Variants in ZCCHC24 observed in about 807,000 individuals in gnomAD.
ZCCHC24 encodes the protein zinc finger CCHC-type containing 24.
In ZCCHC24, 10 loss-of-function variants were observed where a neutral mutation model predicts 26.2. That is an observed-to-expected ratio of 0.38 (90% confidence interval 0.24 to 0.65). The LOEUF is 0.65. ZCCHC24 is among the 30% of genes least tolerant of loss of function. The pLI, the probability that ZCCHC24 is intolerant of heterozygous loss-of-function variation, is 0.54. For missense variants in ZCCHC24, 243 were observed against 329.1 expected, an observed-to-expected ratio of 0.74 and a Z score of 2.03; for synonymous variants, 144 against 147.1, an observed-to-expected ratio of 0.98 and a Z score of 0.15.
intron 2 of ZCCHC24, among the ~76,000 whole-genome samples, chr10:79,404,311 A>G (rs1290942078): frequency 6.6e-6 from 1 of 152,224 alleles, no homozygotes; most frequent in Non-Finnish European, 1.5e-5. Flanking sequence ...ACTTTTTGGA[A>G]AGCAAAGACA....
chr10:79,419,962 T>C (rs1856915370), intron 2 of ZCCHC24, among the ~76,000 whole-genome samples: 1 of 151,982 alleles, frequency 6.6e-6, no homozygotes, highest in African/African-American at 2.4e-5. Flanking sequence ...GCTGAGGATG[T>C]GAAACTGGCC....
intron 2 of ZCCHC24, among the ~76,000 whole-genome samples, chr10:79,410,481 T>G (rs1177193541): frequency 6.6e-6 from 1 of 152,110 alleles, no homozygotes; most frequent in Non-Finnish European, 1.5e-5. Context: ...TCTGGGAGCA[T>G]CTGGCCAGCA....
intron 1 of ZCCHC24, among the ~76,000 whole-genome samples, chr10:79,436,095 G>A (rs1354465926): frequency 2.6e-5 from 4 of 152,162 alleles, no homozygotes; most frequent in South Asian, 2.1e-4. Context: ...TGCAGAGGCC[G>A]ACACAGGCAC....
intron 2 of ZCCHC24, among the ~76,000 whole-genome samples, chr10:79,406,409 C>G (rs943116944): frequency 6.6e-6 from 1 of 152,040 alleles, no homozygotes; most frequent in Non-Finnish European, 1.5e-5. Context: ...ACAGGGGGGT[C>G]GCAGGGAGGA....
At chr10:79,392,041 C>T (rs1564631745) in intron 3 of ZCCHC24, among the ~76,000 whole-genome samples, 1 of 151,944 alleles carries the variant, frequency 6.6e-6, no homozygotes, top group African/African-American at 2.4e-5. Flanking sequence ...ACAGGCCCAC[C>T]CGGCCTCCCT....
intron 1 of ZCCHC24, among the ~76,000 whole-genome samples, chr10:79,442,502 G>A (rs947507482): frequency 1.3e-5 from 2 of 152,218 alleles, no homozygotes; most frequent in African/African-American, 4.8e-5. Context: ...TTTTGCTATT[G>A]TGGTGGGAGC....
chr10:79,415,783 T>C (rs1385493770), intron 2 of ZCCHC24, among the ~76,000 whole-genome samples: 1 of 152,116 alleles, frequency 6.6e-6, no homozygotes, highest in African/African-American at 2.4e-5. Context: ...TCATATCTCC[T>C]AGGCAGTTGA....
intron 1 of ZCCHC24, among the ~76,000 whole-genome samples, chr10:79,435,446 G>A (rs934863396): frequency 6.6e-6 from 1 of 152,106 alleles, no homozygotes; most frequent in Non-Finnish European, 1.5e-5. Context: ...CCTCTCCTTG[G>A]CAGCTCGACA....
rs1856643384 is a variant in ZCCHC24 at position 79,402,277 on chromosome 10, T to C, written c.448-7837A>G. 2.0e-5 allele frequency among the ~76,000 whole-genome samples: 3 copies of C among 152,290 alleles called. No individual in the cohort carries two copies. The South Asian group carries it at 6.2e-4, about 32-fold the overall frequency. ...TAGATACTTGGTTTTTCTTTTTTTTTCTTTTTTCTTTTTTTTGAGACGGAG... is the reference window on the plus strand; with the variant it reads ...TAGATACTTGGTTTTTCTTTTTTTTCCTTTTTTCTTTTTTTTGAGACGGAG... On this transcript the variant is annotated intron_variant, in intron 2 of 3. Transcript: ENST00000372336.
At chr10:79,425,812 G>A (rs1857019807) in intron 2 of ZCCHC24, among the ~76,000 whole-genome samples, 1 of 152,152 alleles carries the variant, frequency 6.6e-6, no homozygotes, top group Non-Finnish European at 1.5e-5. Context: ...TTATTACCTT[G>A]GGGCCGGATG....
intron 2 of ZCCHC24, among the ~76,000 whole-genome samples, chr10:79,412,509 G>A (rs1388199005): frequency 3.9e-5 from 6 of 152,254 alleles, no homozygotes; most frequent in Non-Finnish European, 7.3e-5. Context: ...GGCAGCTCCA[G>A]ATTTCTAAAA....
chr10:79,409,710 T>A (rs1043021760), intron 2 of ZCCHC24, among the ~76,000 whole-genome samples: 1 of 152,232 alleles, frequency 6.6e-6, no homozygotes, highest in African/African-American at 2.4e-5. Context: ...GTCCTCAGTG[T>A]GGCTATTGTC....
intron 2 of ZCCHC24, among the ~76,000 whole-genome samples, chr10:79,426,450 A>T (rs1361760825): frequency 6.6e-6 from 1 of 152,246 alleles, no homozygotes; most frequent in Non-Finnish European, 1.5e-5. Context: ...AAAAAATTTA[A>T]ACAATACGTC....
intron 2 of ZCCHC24, among the ~76,000 whole-genome samples, chr10:79,427,130 C>T (rs7074148): frequency 0.12 from 18,409 of 151,320 alleles, 1,407 homozygotes; most frequent in African/African-American, 0.21. Context: ...ATGATTAATC[C>T]ATCAAGAAGA....
At chr10:79,429,737 T>C (rs1051740636) in intron 2 of ZCCHC24, among the ~76,000 whole-genome samples, 7 of 152,154 alleles carry the variant, frequency 4.6e-5, no homozygotes, top group Admixed American at 6.5e-5. Context: ...GGGAAGTGAA[T>C]TGTATCTCAT....
At chr10:79,391,342 G>C (rs1207388733) in intron 3 of ZCCHC24, among the ~76,000 whole-genome samples, 1 of 152,098 alleles carries the variant, frequency 6.6e-6, no homozygotes, top group Non-Finnish European at 1.5e-5. Context: ...TGCCAGCTTG[G>C]GGATGGTGAC....
At chr10:79,430,766 C>T (rs1204236750) in intron 2 of ZCCHC24, among the ~76,000 whole-genome samples, 1 of 151,880 alleles carries the variant, frequency 6.6e-6, no homozygotes, top group African/African-American at 2.4e-5. Context: ...GGATATTGGT[C>T]ACCCTGGGGG....
intron 2 of ZCCHC24, among the ~76,000 whole-genome samples, chr10:79,411,930 C>G (rs971505450): frequency 5.3e-5 from 8 of 152,220 alleles, no homozygotes; most frequent in Non-Finnish European, 8.8e-5. Flanking sequence ...GTCCCTGGAG[C>G]ACCCCACATG....
intron 2 of ZCCHC24, among the ~76,000 whole-genome samples, chr10:79,417,081 C>A (rs1456231331): frequency 6.6e-6 from 1 of 152,212 alleles, no homozygotes; most frequent in Non-Finnish European, 1.5e-5. Flanking sequence ...TTTCTGCCAG[C>A]CTTCCCCCTC....
Sources: allele counts gnomAD v4.1 joint callset (sites outside exome capture counted in the v4.1 genomes callset), GRCh38; gene constraint gnomAD v4.1.1; transcripts MANE v1.5; gene names NCBI Gene and HGNC (gene_info 2026-07-23, HGNC 2026-07-21).